Variants in BICC1 observed in about 807,000 individuals in gnomAD.
The protein encoded by BICC1 is BicC family RNA binding protein 1.
Under a neutral mutation model 111.0 loss-of-function variants are expected in BICC1, and 43 were observed. The ratio of observed to expected loss-of-function variants is 0.39; its 90% CI spans 0.30 to 0.50. BICC1 has a LOEUF of 0.50. Among genes scored for constraint, BICC1 ranks in the 20% least tolerant of loss-of-function variants. The pLI is 0.88. For missense variants in BICC1, 1,091 were observed against 1,203.2 expected (o/e 0.91, Z 1.38); for synonymous variants, 467 against 434.4 (o/e 1.07, Z -0.93).
rs972352147 is a variant in BICC1 at position 58,817,804 on chromosome 10, T to C, written c.2694+82T>C. ...TCTAGAATGAAATCACTTATTGACC[T>C]ATGAGTATGCTTTCACTGAGCATTT... On this transcript the variant is annotated intron_variant, in intron 19 of 20. Transcript: ENST00000373886. 23 of 1,341,148 alleles carry C rather than the reference T, an allele frequency of 1.7e-5. No individual in the cohort carries two copies. The East Asian group carries it at 3.1e-4, about 18-fold the overall frequency. 83.1% of individuals were successfully genotyped at this position (1,341,148 alleles called of 1,614,324 possible). A position where few individuals can be genotyped will look rare whatever the true frequency, so the allele number is the denominator to read the frequency against.
intron 1 of BICC1, among the ~76,000 whole-genome samples, chr10:58,513,842 G>C (rs1564466412): frequency 6.6e-6 from 1 of 152,190 alleles, no homozygotes; most frequent in African/African-American, 2.4e-5. Context: ...CTTAAGACAG[G>C]AGCTCCCGCC....
rs1342787324 is a variant in BICC1 at position 58,733,747 on chromosome 10, A to G, written c.307+31604A>G. Among the ~76,000 whole-genome samples the G allele has an allele frequency of 5.9e-5, 9 of 152,332 alleles. No individual in the cohort carries two copies. In the East Asian group the frequency reaches 1.5e-3, roughly 26 times the overall value. On this transcript the variant is annotated intron_variant, in intron 3 of 20. Transcript: ENST00000373886. ...GTTGATCAGGGCCAGTTGGCCTAGC[A>G]TCATAAATGCATTGCTGGTTGGCAT...
At chr10:58,710,233 AC>A (rs1840530830) in intron 3 of BICC1, among the ~76,000 whole-genome samples, 1 of 152,184 alleles carries the variant, frequency 6.6e-6, no homozygotes, top group East Asian at 1.9e-4. Flanking sequence ...TAAGTAGCAG[AC>A]CTCAAACCCA....
intron 2 of BICC1, among the ~76,000 whole-genome samples, chr10:58,672,224 C>G (rs954900559): frequency 2.0e-5 from 3 of 152,092 alleles, no homozygotes; most frequent in Non-Finnish European, 4.4e-5. Flanking sequence ...AATTCCATAC[C>G]CATTTAACAA....
intron 2 of BICC1, among the ~76,000 whole-genome samples, chr10:58,700,161 A>AAGGGTTAGG (rs759614842): frequency 6.6e-5 from 10 of 152,184 alleles, no homozygotes; most frequent in Non-Finnish European, 4.4e-5. Context: ...CACTTGCAAT[A>AAGGGTTAGG]AGGGTTAGGA....
chr10:58,544,571 G>A (rs766447351), intron 1 of BICC1, among the ~76,000 whole-genome samples: 8 of 152,088 alleles, frequency 5.3e-5, no homozygotes, highest in South Asian at 4.1e-4. Flanking sequence ...TGTTACGTAT[G>A]TAGAAAGGAA....
intron 2 of BICC1, among the ~76,000 whole-genome samples, chr10:58,637,494 C>T (rs1344334858): frequency 6.6e-6 from 1 of 152,194 alleles, no homozygotes; most frequent in Non-Finnish European, 1.5e-5. Context: ...AAGAACGTTT[C>T]GTGTCTCAGC....
chr10:58,789,350 A>T lies in BICC1; in HGVS notation c.689A>T (p.His230Leu). The T allele has an allele frequency of 6.2e-7, 1 of 1,613,992 alleles. No individual in the cohort carries two copies. The highest frequency in any genetic ancestry group is 8.5e-7 in the Non-Finnish European group (1 of 1,179,950). Reference protein sequence around the residue: ...VPDPNSPSIQHISQTYNISVS... With the variant: ...VPDPNSPSIQLISQTYNISVS... ...GATCCTAATTCCCCCTCTATTCAGCATATATCACAAACGTACAATATTTCA... is the reference window on the plus strand; with the variant it reads ...GATCCTAATTCCCCCTCTATTCAGCTTATATCACAAACGTACAATATTTCA... The change falls in exon 7 of 21, where the codon CAT becomes CTT. Residue 230 changes from histidine to leucine, a missense_variant. This residue lies in a region of BICC1 where 843 missense variants were observed against 900.8 expected (regional missense o/e 0.94). Transcript: ENST00000373886.
rs1327862872 is a variant in BICC1 at position 58,686,983 on chromosome 10, G to T, written c.238-15091G>T. ...TAGAATTTTCAGCTTTTCTGCTCGG[G>T]TTTCTCCCCATCTTTGTGGTTTTAT... On this transcript the variant is annotated intron_variant, in intron 2 of 20. Transcript: ENST00000373886. 2.0e-5 allele frequency among the ~76,000 whole-genome samples: 3 copies of T among 152,146 alleles called. No individual in the cohort carries two copies. The East Asian group carries it at 5.8e-4, about 29-fold the overall frequency.
intron 9 of BICC1, among the ~76,000 whole-genome samples, chr10:58,795,752 A>AT (rs540079456): frequency 6.5e-4 from 99 of 151,946 alleles, no homozygotes; most frequent in African/African-American, 2.0e-3. Context: ...ATTATTTAGA[A>AT]TTTTTTTTAC....
At chr10:58,581,740 A>T (rs913063822) in intron 1 of BICC1, among the ~76,000 whole-genome samples, 1 of 152,184 alleles carries the variant, frequency 6.6e-6, no homozygotes, top group Non-Finnish European at 1.5e-5. Flanking sequence ...GAAAAGTGCT[A>T]AGGGGACCCC....
chr10:58,588,597 G>A (rs1564500116), intron 1 of BICC1, among the ~76,000 whole-genome samples: 1 of 152,106 alleles, frequency 6.6e-6, no homozygotes, highest in Non-Finnish European at 1.5e-5. Context: ...CTTGTTTGTG[G>A]CATTCTGGAG....
intron 18 of BICC1, among the ~76,000 whole-genome samples, chr10:58,814,917 A>G (rs967844131): frequency 1.3e-5 from 2 of 152,186 alleles, no homozygotes; most frequent in Non-Finnish European, 2.9e-5. Context: ...AATAGACAAG[A>G]TGTTGCTGAA....
intron 3 of BICC1, among the ~76,000 whole-genome samples, chr10:58,734,332 G>C (rs1463474656): frequency 1.3e-5 from 2 of 152,204 alleles, no homozygotes; most frequent in African/African-American, 2.4e-5. Flanking sequence ...TTTCTGGTTA[G>C]AATGAGATTT....
At chr10:58,691,610 A>G (rs1839909852) in intron 2 of BICC1, among the ~76,000 whole-genome samples, 1 of 152,194 alleles carries the variant, frequency 6.6e-6, no homozygotes, top group Non-Finnish European at 1.5e-5. Context: ...AAATCAGGAA[A>G]TTTAACACAA....
At chr10:58,549,220 A>C (rs2096456770) in intron 1 of BICC1, among the ~76,000 whole-genome samples, 1 of 151,878 alleles carries the variant, frequency 6.6e-6, no homozygotes, top group African/African-American at 2.4e-5. Context: ...TCACCTGTTG[A>C]GATTGTTTCC....
At chr10:58,666,672 T>C (rs1839022372) in intron 2 of BICC1, among the ~76,000 whole-genome samples, 1 of 152,102 alleles carries the variant, frequency 6.6e-6, no homozygotes, top group South Asian at 2.1e-4. Flanking sequence ...GCAAGTTACT[T>C]AGTGTTTGAA....
chr10:58,718,742 A>ATGTGTGTGTGTGTGTGTGTGTG (rs371273354), intron 3 of BICC1, among the ~76,000 whole-genome samples: 25 of 148,538 alleles, frequency 1.7e-4, no homozygotes, highest in African/African-American at 5.0e-4. Context: ...TAGCATGGAA[A>ATGTGTGTGTGTGTGTGTGTGTG]TGTGTGTGTG....
At chr10:58,642,996 G>A (rs7072994) in intron 2 of BICC1, among the ~76,000 whole-genome samples, 148,431 of 152,276 alleles carry the variant, frequency 0.97, 72,452 homozygotes, top group East Asian at 1. Context: ...GAGCCACTGC[G>A]TCTGGCCCTG....
Sources: allele counts gnomAD v4.1 joint callset (sites outside exome capture counted in the v4.1 genomes callset), GRCh38; gene constraint gnomAD v4.1.1; regional missense constraint gnomAD v4.1.1; transcripts MANE v1.5; gene names NCBI Gene and HGNC (gene_info 2026-07-23, HGNC 2026-07-21).